The following ARL15 variants were observed in gnomAD, a reference collection of about 807,000 sequenced individuals.
ARL15 encodes the protein ADP-ribosylation factor-like protein 15.
In ARL15, 19 loss-of-function variants were observed where a neutral mutation model predicts 25.2. The ratio of observed to expected loss-of-function variants is 0.75; its 90% CI spans 0.53 to 1.10. The LOEUF is 1.10. ARL15 is among the 50% of genes least tolerant of loss of function. ARL15 has a pLI of 0.00. For synonymous variants in ARL15, 94 were observed against 86.8 expected, an observed-to-expected ratio of 1.08 and a Z score of -0.46; for missense variants, 220 against 246.0, an observed-to-expected ratio of 0.89 and a Z score of 0.71.
chr5:54,206,968 C>T (rs1033202178), intron 1 of ARL15, among the ~76,000 whole-genome samples: 27 of 152,228 alleles, frequency 1.8e-4, no homozygotes, highest in Admixed American at 1.6e-3. Context: ...TGGAAAGGCT[C>T]GTCTAGTCCA....
chr5:53,953,803 C>T (rs148331339), intron 4 of ARL15, among the ~76,000 whole-genome samples: 20 of 152,234 alleles, frequency 1.3e-4, no homozygotes, highest in African/African-American at 4.6e-4. Context: ...TCTGATCCAT[C>T]ATAATATCTA....
intron 4 of ARL15, among the ~76,000 whole-genome samples, chr5:53,900,019 C>T (rs992508445): frequency 1.6e-4 from 25 of 152,092 alleles, no homozygotes; most frequent in African/African-American, 6.0e-4. Context: ...CTCAGCAATC[C>T]CTTCTAGTAC....
chr5:54,258,134 G>A (rs879839603), intron 1 of ARL15, among the ~76,000 whole-genome samples: 2 of 149,418 alleles, frequency 1.3e-5, no homozygotes, highest in African/African-American at 2.5e-5. Flanking sequence ...AGTTTGAGAC[G>A]AGCCTGGGCA....
chr5:54,284,375 G>C (rs1309156477), intron 1 of ARL15, among the ~76,000 whole-genome samples: 1 of 152,164 alleles, frequency 6.6e-6, no homozygotes, highest in Non-Finnish European at 1.5e-5. Context: ...AAAATGCTGG[G>C]ATTATAGGCA....
chr5:54,246,547 C>T (rs1757089101), intron 1 of ARL15, among the ~76,000 whole-genome samples: 1 of 152,106 alleles, frequency 6.6e-6, no homozygotes, highest in South Asian at 2.1e-4. Flanking sequence ...TGCCCACCAC[C>T]ATCCCAGGCA....
chr5:54,222,983 ATTTT>A (rs35959438), intron 1 of ARL15, among the ~76,000 whole-genome samples: 25 of 127,062 alleles, frequency 2.0e-4, no homozygotes, highest in Admixed American at 7.4e-4. Context: ...CTATGCCTGG[ATTTT>A]TTTTTTTTTT....
intron 1 of ARL15, among the ~76,000 whole-genome samples, chr5:54,223,412 G>A (rs1467355359): frequency 6.6e-6 from 1 of 152,098 alleles, no homozygotes; most frequent in Admixed American, 6.5e-5. Flanking sequence ...GCGTTTTAGA[G>A]TTCGCACACA....
Position 54,186,507 on chromosome 5 carries a change from G to A in ARL15, c.49-14579C>T, listed in dbSNP as rs548021519. 2.6e-4 allele frequency among the ~76,000 whole-genome samples: 40 copies of A among 152,248 alleles called. No homozygotes were observed. In the South Asian group the frequency reaches 5.4e-3, roughly 21 times the overall value. ...CTTTCTGACTACTGTCAAACTTCAC[G>A]AGCAAAAGCTGAACACACAGATAAA... is the stretch of plus-strand genomic sequence containing the variant. On this transcript the variant is annotated intron_variant, in intron 1 of 4. Transcript: ENST00000504924.
chr5:54,014,489 C>T (rs1749347865), intron 4 of ARL15, among the ~76,000 whole-genome samples: 1 of 150,884 alleles, frequency 6.6e-6, no homozygotes, highest in Admixed American at 6.6e-5. Context: ...TGTCCCCCAT[C>T]CCATAACCTG....
chr5:54,172,968 C>G (rs1406400934), intron 1 of ARL15, among the ~76,000 whole-genome samples: 1 of 152,048 alleles, frequency 6.6e-6, no homozygotes, highest in African/African-American at 2.4e-5. Flanking sequence ...CCTGTAATCC[C>G]AGCACTTTGG....
chr5:53,912,415 G>C (rs181274247), intron 4 of ARL15, among the ~76,000 whole-genome samples: 2 of 152,236 alleles, frequency 1.3e-5, no homozygotes, highest in Admixed American at 6.5e-5. Flanking sequence ...AACACGAAAT[G>C]AAATCCAACA....
At chr5:54,079,841 A>C (rs1259945053) in intron 4 of ARL15, among the ~76,000 whole-genome samples, 3 of 151,966 alleles carry the variant, frequency 2.0e-5, no homozygotes, top group Admixed American at 2.0e-4. Flanking sequence ...CTGGTGGCAC[A>C]TGCCTGTAAT....
intron 3 of ARL15, among the ~76,000 whole-genome samples, chr5:54,137,891 T>A (rs1265576248): frequency 6.7e-6 from 1 of 148,472 alleles, no homozygotes. Context: ...TTTTTTTTTT[T>A]AAAGGAAAGT....
chr5:54,099,378 T>C (rs1260486360), intron 4 of ARL15, among the ~76,000 whole-genome samples: 1 of 152,110 alleles, frequency 6.6e-6, no homozygotes, highest in Non-Finnish European at 1.5e-5. Context: ...GTACATTTTA[T>C]CGGCTAATGA....
At chr5:53,907,479 T>TATATATATATAC (rs1745295107) in intron 4 of ARL15, among the ~76,000 whole-genome samples, 5 of 35,214 alleles carry the variant, frequency 1.4e-4, no homozygotes, top group African/African-American at 6.3e-4. Context: ...TATATATATA[T>TATATATATATAC]ATATATATAT....
chr5:54,252,683 C>T (rs891902703), intron 1 of ARL15, among the ~76,000 whole-genome samples: 2 of 152,068 alleles, frequency 1.3e-5, no homozygotes, highest in Non-Finnish European at 2.9e-5. Context: ...TTCCAAGTTG[C>T]CTTAGGGGGT....
intron 2 of ARL15, among the ~76,000 whole-genome samples, chr5:54,165,350 A>T (rs1411459947): frequency 1.3e-5 from 2 of 151,742 alleles, no homozygotes; most frequent in African/African-American, 4.8e-5. Context: ...ATCTGGTATC[A>T]TTTTTTTTCT....
intron 1 of ARL15, among the ~76,000 whole-genome samples, chr5:54,243,380 A>G (rs1757006530): frequency 6.6e-6 from 1 of 152,234 alleles, no homozygotes; most frequent in South Asian, 2.1e-4. Context: ...AGCTGAAATT[A>G]TCCGCCCTTT....
chr5:54,117,407 A>ACACG, intron 3 of ARL15, among the ~76,000 whole-genome samples: 1 of 149,540 alleles, frequency 6.7e-6, no homozygotes, highest in South Asian at 2.2e-4. Context: ...ACACACACAC[A>ACACG]AACCCAAAGA....
Sources: gnomAD v4.1 joint callset for allele counts (sites outside exome capture counted in the v4.1 genomes callset) on GRCh38, gnomAD v4.1.1 for gene constraint, MANE v1.5 for transcripts, NCBI Gene and HGNC (gene_info 2026-07-23, HGNC 2026-07-21) for gene names.